The following LDLRAD3 variants were observed in gnomAD, a reference collection of about 807,000 sequenced individuals.
The protein encoded by LDLRAD3 is low-density lipoprotein receptor class A domain-containing protein 3.
LDLRAD3 carries 20 observed loss-of-function variants against 29.4 expected under a neutral mutation model. That is an observed-to-expected ratio of 0.68 (90% CI 0.48 to 0.99). The LOEUF is 0.99. LDLRAD3 is among the 50% of genes least tolerant of loss of function. The pLI is 0.00. For synonymous variants in LDLRAD3, 157 were observed against 192.7 expected (o/e 0.81, Z 1.53); for missense variants, 420 against 454.3 (o/e 0.92, Z 0.69).
intron 4 of LDLRAD3, among the ~76,000 whole-genome samples, chr11:36,135,660 A>G (rs1853993032): frequency 6.6e-6 from 1 of 152,228 alleles, no homozygotes; most frequent in Non-Finnish European, 1.5e-5. Flanking sequence ...CTGTAACCCC[A>G]GCACTTTGGG....
At chr11:36,150,209 G>A (rs1854257975) in intron 4 of LDLRAD3, among the ~76,000 whole-genome samples, 2 of 152,088 alleles carry the variant, frequency 1.3e-5, no homozygotes, top group African/African-American at 4.8e-5. Context: ...TTCCATAAAT[G>A]AGGCATGAAT....
intron 4 of LDLRAD3, among the ~76,000 whole-genome samples, chr11:36,104,066 G>A (rs955355661): frequency 7.2e-5 from 11 of 152,196 alleles, no homozygotes; most frequent in African/African-American, 2.7e-4. Context: ...TCAGTCCCGA[G>A]GTTAGATGAT....
chr11:36,058,632 G>A (rs186003400), intron 2 of LDLRAD3, among the ~76,000 whole-genome samples: 3 of 152,158 alleles, frequency 2.0e-5, no homozygotes, highest in African/African-American at 7.2e-5. Context: ...CTCTGTTTTA[G>A]TAATTGCCCA....
At chr11:36,120,696 A>G (rs1853743703) in intron 4 of LDLRAD3, among the ~76,000 whole-genome samples, 1 of 152,128 alleles carries the variant, frequency 6.6e-6, no homozygotes, top group Non-Finnish European at 1.5e-5. Flanking sequence ...GCCAGTCTAC[A>G]CCTCCAGAAG....
At chr11:36,145,067 G>A (rs536177740) in intron 4 of LDLRAD3, among the ~76,000 whole-genome samples, 925 of 87,740 alleles carry the variant, frequency 0.011, 19 homozygotes, top group African/African-American at 0.027. Flanking sequence ...GAAGAGAGGA[G>A]CCCCTCTGCC....
chr11:36,182,146 A>T (rs1854774166), intron 4 of LDLRAD3, among the ~76,000 whole-genome samples: 1 of 152,228 alleles, frequency 6.6e-6, no homozygotes, highest in African/African-American at 2.4e-5. Flanking sequence ...GTAACAAATC[A>T]TTGAAGTGAG....
intron 4 of LDLRAD3, among the ~76,000 whole-genome samples, chr11:36,183,620 G>C (rs1302625569): frequency 1.3e-5 from 2 of 152,120 alleles, no homozygotes; most frequent in Non-Finnish European, 2.9e-5. Flanking sequence ...TGCTAATATT[G>C]CATGTTCCTG....
intron 4 of LDLRAD3, among the ~76,000 whole-genome samples, chr11:36,164,100 T>G (rs954999544): frequency 3.3e-5 from 5 of 152,200 alleles, no homozygotes; most frequent in African/African-American, 1.2e-4. Flanking sequence ...ACCACTGCCC[T>G]GGGTGATCCT....
At chr11:35,986,988 T>C (rs1209596032) in intron 1 of LDLRAD3, among the ~76,000 whole-genome samples, 1 of 152,246 alleles carries the variant, frequency 6.6e-6, no homozygotes, top group Admixed American at 6.5e-5. Context: ...CTCACACTTT[T>C]CTCAGCACTC....
At chr11:36,153,515 T>C (rs1854305240) in intron 4 of LDLRAD3, among the ~76,000 whole-genome samples, 1 of 152,168 alleles carries the variant, frequency 6.6e-6, no homozygotes, top group South Asian at 2.1e-4. Flanking sequence ...TCTTAGGACA[T>C]TGAGGCTTGT....
At chr11:36,091,330 G>A (rs1411586376) in intron 3 of LDLRAD3, among the ~76,000 whole-genome samples, 1 of 152,200 alleles carries the variant, frequency 6.6e-6, no homozygotes, top group Non-Finnish European at 1.5e-5. Context: ...CATTTCCTAA[G>A]TCCTACTGTA....
At chr11:36,182,122 G>A (rs1218831438) in intron 4 of LDLRAD3, among the ~76,000 whole-genome samples, 1 of 152,196 alleles carries the variant, frequency 6.6e-6, no homozygotes, top group African/African-American at 2.4e-5. Flanking sequence ...AGACAGGAGT[G>A]GTGGAAGTAG....
chr11:36,088,023 T>TC (rs1853220819), intron 3 of LDLRAD3, among the ~76,000 whole-genome samples: 1 of 150,942 alleles, frequency 6.6e-6, no homozygotes, highest in African/African-American at 2.4e-5. Context: ...CCAGCCAAAT[T>TC]TAAAAAAAAA....
chr11:36,192,411 C>CT (rs1854967952), intron 4 of LDLRAD3, among the ~76,000 whole-genome samples: 1 of 152,194 alleles, frequency 6.6e-6, no homozygotes, highest in African/African-American at 2.4e-5. Context: ...TGTGACCTGA[C>CT]TTTTTTCTCT....
At chr11:36,157,637 G>A (rs1854373792) in intron 4 of LDLRAD3, among the ~76,000 whole-genome samples, 2 of 152,142 alleles carry the variant, frequency 1.3e-5, no homozygotes, top group Admixed American at 6.5e-5. Context: ...TATTTTGCGG[G>A]TCTCTGTTTT....
intron 1 of LDLRAD3, among the ~76,000 whole-genome samples, chr11:35,948,157 C>T (rs772777079): frequency 6.6e-6 from 1 of 152,008 alleles, no homozygotes; most frequent in African/African-American, 2.4e-5. Flanking sequence ...GCTCTAAATT[C>T]GTATTCCCCT....
intron 1 of LDLRAD3, among the ~76,000 whole-genome samples, chr11:36,014,593 G>A (rs1851997077): frequency 6.6e-6 from 1 of 152,134 alleles, no homozygotes; most frequent in South Asian, 2.1e-4. Context: ...AACTTTGCTG[G>A]CGAGGTGAAA....
At chr11:36,199,492 G>T (rs1855085693) in intron 4 of LDLRAD3, among the ~76,000 whole-genome samples, 2 of 152,106 alleles carry the variant, frequency 1.3e-5, no homozygotes, top group South Asian at 4.1e-4. Context: ...CATCTCCTCT[G>T]TGGTACGATC....
intron 1 of LDLRAD3, among the ~76,000 whole-genome samples, chr11:35,982,377 C>T (rs1851552794): frequency 6.8e-6 from 1 of 147,544 alleles, no homozygotes; most frequent in African/African-American, 2.7e-5. Context: ...TACAAATATC[C>T]CCTCTTTATG....
Sources: allele counts gnomAD v4.1 joint callset (sites outside exome capture counted in the v4.1 genomes callset), GRCh38; gene constraint gnomAD v4.1.1; transcripts MANE v1.5; gene names NCBI Gene and HGNC (gene_info 2026-07-23, HGNC 2026-07-21).